TMTC2: variants seen among roughly 807,000 people sequenced by gnomAD.
TMTC2 encodes protein O-mannosyl-transferase TMTC2.
A neutral mutation model predicts 82.4 loss-of-function variants in TMTC2; 43 were observed. The observed-to-expected ratio is 0.52, with a 90% CI of 0.41 to 0.67. TMTC2 has a LOEUF of 0.67. Among genes scored for constraint, TMTC2 ranks in the 30% least tolerant of loss-of-function variants. TMTC2 has a pLI of 0.00. For missense variants in TMTC2, 919 were observed against 1,012.4 expected (o/e 0.91, Z 1.25); for synonymous variants, 408 against 381.9 (o/e 1.07, Z -0.80).
At chr12:82,956,143 C>T (rs953760012) in intron 4 of TMTC2, among the ~76,000 whole-genome samples, 1 of 151,954 alleles carries the variant, frequency 6.6e-6, no homozygotes, top group South Asian at 2.1e-4. Context: ...AGTATATAGC[C>T]CACAGACCCT....
intron 1 of TMTC2, among the ~76,000 whole-genome samples, chr12:82,723,247 A>C: frequency 6.6e-6 from 1 of 152,200 alleles, no homozygotes; most frequent in East Asian, 1.9e-4. Context: ...AGAGTGGTGC[A>C]ATAAACCTAC....
chr12:82,934,491 G>T (rs1348476952), intron 4 of TMTC2, among the ~76,000 whole-genome samples: 1 of 151,482 alleles, frequency 6.6e-6, no homozygotes, highest in African/African-American at 2.4e-5. Flanking sequence ...TTGGTTTTCT[G>T]TTCCTGTGTT....
At chr12:83,105,428 C>T (rs1884361045) in intron 11 of TMTC2, among the ~76,000 whole-genome samples, 1 of 152,136 alleles carries the variant, frequency 6.6e-6, no homozygotes, top group Non-Finnish European at 1.5e-5. Context: ...GACAGTTCTG[C>T]AGGCTGTATG....
intron 1 of TMTC2, among the ~76,000 whole-genome samples, chr12:82,794,100 G>C (rs1419736160): frequency 2.0e-5 from 3 of 152,082 alleles, no homozygotes. Flanking sequence ...ATTTGCCCAG[G>C]CTCTGTTGAT....
intron 1 of TMTC2, among the ~76,000 whole-genome samples, chr12:82,781,089 T>C (rs1417166395): frequency 6.6e-6 from 1 of 152,066 alleles, no homozygotes; most frequent in Non-Finnish European, 1.5e-5. Flanking sequence ...TAATAAAATC[T>C]CTTCCCATTC....
At chr12:82,976,437 T>C (rs1878679598) in intron 7 of TMTC2, among the ~76,000 whole-genome samples, 1 of 152,124 alleles carries the variant, frequency 6.6e-6, no homozygotes, top group African/African-American at 2.4e-5. Flanking sequence ...GTCTTTCCTG[T>C]GTTTGCTTCA....
At chr12:82,710,131 C>T (rs1034905238) in intron 1 of TMTC2, among the ~76,000 whole-genome samples, 2 of 152,078 alleles carry the variant, frequency 1.3e-5, no homozygotes, top group African/African-American at 4.8e-5. Flanking sequence ...AAATCATATC[C>T]AGAAAATTCA....
intron 1 of TMTC2, chr12:82,690,378 G>A: frequency 1.0e-6 from 1 of 985,430 alleles, no homozygotes; most frequent in African/African-American, 1.7e-5. Flanking sequence ...GCACTCAAGG[G>A]AGATGGCTGT....
intron 1 of TMTC2, among the ~76,000 whole-genome samples, chr12:82,735,349 A>ATTT (rs66550396): frequency 1.4e-5 from 2 of 143,886 alleles, no homozygotes; most frequent in East Asian, 2.1e-4. Context: ...ATTAATTTTG[A>ATTT]TTTTTTTTTT....
chr12:82,912,278 T>C (rs995042475), intron 3 of TMTC2, among the ~76,000 whole-genome samples: 1 of 152,192 alleles, frequency 6.6e-6, no homozygotes, highest in Non-Finnish European at 1.5e-5. Context: ...TACCCAGGTG[T>C]CAAAGCATGG....
rs1878952560 is a variant in TMTC2, at chr12:82,982,298, C to T, written c.1949-3627C>T. Among the ~76,000 whole-genome samples, 3 of 151,864 alleles carry T rather than the reference C, an allele frequency of 2.0e-5. No individual in the cohort carries two copies. The South Asian group carries it at 6.2e-4, about 31-fold the overall frequency. On this transcript the variant is annotated intron_variant, in intron 7 of 11. Transcript: ENST00000321196. ...ATTCATAAAATGGGTATTCCACCCT[C>T]TATCAAGGATTGGAAATGAGAAATG...
At chr12:83,048,786 G>A (rs1325606434) in intron 9 of TMTC2, among the ~76,000 whole-genome samples, 1 of 151,994 alleles carries the variant, frequency 6.6e-6, no homozygotes, top group Non-Finnish European at 1.5e-5. Flanking sequence ...CTCCTGCCTC[G>A]GACACCCTAG....
rs955867914 is a variant in TMTC2, at chr12:83,134,516, G to A, written c.*2127G>A. 1 of 149,406 alleles carries A rather than the reference G, an allele frequency of 6.7e-6. No homozygotes were observed. Among genetic ancestry groups the A allele is most frequent in the South Asian group, 2.1e-4 (1 of 4,714 alleles). The allele number at this position is 149,406 out of a possible 1,614,324, so 9.3% of individuals were successfully genotyped here. ...GTTCCCAAGTAGCGTTAATAATTGG[G>A]CCTGTGTCATAAAATGCACGGATCA... On this transcript the variant is annotated 3_prime_UTR_variant, in exon 12 of 12. Coordinates refer to ENST00000321196, the MANE Select transcript of TMTC2 (RefSeq NM_152588.3).
At position 82,687,523 on chromosome 12, in the gene TMTC2, C is replaced by T; in HGVS notation, c.-64C>T. 1 of 1,488,730 alleles carries T rather than the reference C, an allele frequency of 6.7e-7. No homozygotes were observed. Among genetic ancestry groups the T allele is most frequent in the Non-Finnish European group, 9.2e-7 (1 of 1,086,278 alleles). The allele number at this position is 1,488,730 out of a possible 1,614,324, so 92.2% of individuals were successfully genotyped here. On this transcript the variant is annotated 5_prime_UTR_variant, in exon 1 of 12. Transcript: ENST00000321196. ...CGGCGGAAGGTGGAGATTGATGCTT[C>T]TGTTTTTTGTTGCCGCTGCTGCCCT...
chr12:82,946,301 G>T (rs140719704), intron 4 of TMTC2, among the ~76,000 whole-genome samples: 2 of 152,144 alleles, frequency 1.3e-5, no homozygotes, highest in Non-Finnish European at 2.9e-5. Context: ...ATAGTGCTTA[G>T]CATATGTGTT....
intron 7 of TMTC2, among the ~76,000 whole-genome samples, chr12:82,976,996 A>G (rs1878703737): frequency 6.6e-6 from 1 of 152,050 alleles, no homozygotes; most frequent in Non-Finnish European, 1.5e-5. Context: ...TAGGTTGAAG[A>G]CAGAAAAATA....
chr12:83,083,491 G>A (rs1883544169), intron 11 of TMTC2, among the ~76,000 whole-genome samples: 2 of 152,218 alleles, frequency 1.3e-5, no homozygotes, highest in South Asian at 2.1e-4. Context: ...TACGGTCTGT[G>A]TATTTCTTTA....
At chr12:83,055,551 A>G (rs1031937936) in intron 10 of TMTC2, among the ~76,000 whole-genome samples, 3 of 152,092 alleles carry the variant, frequency 2.0e-5, no homozygotes, top group Non-Finnish European at 4.4e-5. Flanking sequence ...CATTTATTCT[A>G]TTAGAAACAT....
intron 7 of TMTC2, among the ~76,000 whole-genome samples, chr12:82,985,085 G>A (rs537659801): frequency 4.0e-5 from 6 of 151,652 alleles, no homozygotes; most frequent in Non-Finnish European, 8.8e-5. Flanking sequence ...TTGAGACAGG[G>A]TGTCACTCTT....
Sources: gnomAD v4.1 joint callset for allele counts (sites outside exome capture counted in the v4.1 genomes callset) on GRCh38, gnomAD v4.1.1 for gene constraint, MANE v1.5 for transcripts, NCBI Gene and HGNC (gene_info 2026-07-23, HGNC 2026-07-21) for gene names.